Variants in BTAF1 observed in about 807,000 individuals in gnomAD.
The protein encoded by BTAF1 is TATA-binding protein-associated factor 172.
BTAF1 carries 38 observed loss-of-function variants against 227.1 expected under a neutral mutation model. The observed-to-expected ratio is 0.17, with a 90% CI of 0.13 to 0.22. The LOEUF (loss-of-function observed/expected upper bound fraction) is 0.22, where lower values mean the gene tolerates loss of function less well. BTAF1 is among the 10% of genes least tolerant of loss of function. BTAF1 has a pLI of 1.00. For synonymous variants in BTAF1, 742 were observed against 751.9 expected (o/e 0.99, Z 0.21); for missense variants, 1,598 against 2,204.0 (o/e 0.73, Z 5.51).
At chr10:91,961,194 G>A (rs1344475614) in intron 11 of BTAF1, among the ~76,000 whole-genome samples, 1 of 152,176 alleles carries the variant, frequency 6.6e-6, no homozygotes, top group Non-Finnish European at 1.5e-5. Flanking sequence ...GTAAAGGAGA[G>A]ATTATGAATG....
At chr10:91,982,804 C>A in intron 18 of BTAF1, 43 bp downstream of exon 18, 1 of 1,517,516 alleles carries the variant, frequency 6.6e-7, no homozygotes. Flanking sequence ...ATTAAGTAAA[C>A]CAATTTCCAT....
chr10:92,024,746 T>TTTTTTTTTTTTTTC lies in BTAF1; in HGVS notation c.4864-10_4864-9insTTTTTTTTTTTTTC. On this transcript the variant is annotated splice_polypyrimidine_tract_variant and intron_variant, in intron 34 of 37. Transcript: ENST00000265990. ...ACGCTTATGTAGTTTTTTTTTTTTT[T>TTTTTTTTTTTTTTC]CTTCCTAAGTTGCTGTTGGACTGCG... 1 of 1,576,494 alleles carries TTTTTTTTTTTTTTC rather than the reference T, an allele frequency of 6.3e-7. No individual in the cohort carries two copies. The highest frequency in any genetic ancestry group is 8.6e-7 in the Non-Finnish European group (1 of 1,168,382).
chr10:91,989,624 A>C, intron 20 of BTAF1, 44 bp downstream of exon 20: 1 of 1,507,586 alleles, frequency 6.6e-7, no homozygotes, highest in Non-Finnish European at 8.9e-7. Context: ...ATAACCTTTT[A>C]AATTTGTTTT....
At chr10:91,973,260 A>G (rs969524629) in intron 14 of BTAF1, among the ~76,000 whole-genome samples, 3 of 152,224 alleles carry the variant, frequency 2.0e-5, no homozygotes, top group Non-Finnish European at 2.9e-5. Context: ...CTTTGGCTCT[A>G]TCATTTGCTA....
At chr10:91,953,241 G>A (rs1172893808) in intron 5 of BTAF1, among the ~76,000 whole-genome samples, 1 of 152,132 alleles carries the variant, frequency 6.6e-6, no homozygotes, top group Non-Finnish European at 1.5e-5. Flanking sequence ...TCTGTGAATG[G>A]AAAAGAGCAA....
At chr10:91,925,567 A>G (rs1843770832) in intron 1 of BTAF1, among the ~76,000 whole-genome samples, 1 of 135,180 alleles carries the variant, frequency 7.4e-6, no homozygotes, top group Admixed American at 9.0e-5. Context: ...GCTGGAGTGC[A>G]GTGGCGAGAT....
chr10:92,026,743 A>G lies in BTAF1; in HGVS notation c.5227A>G (p.Ile1743Val), dbSNP rs1374330650. ...DLQAMDRAHR[I>V]GQKRVVNVYR... ...ACAAGCCATGGACCGGGCCCATCGC[A>G]TTGGGCAGGTAAAAGTCAATTTTAC... The change falls in exon 36 of 38, where the codon ATT becomes GTT. Residue 1743 changes from isoleucine to valine, a missense_variant. Ile to Val is a conservative substitution (Grantham distance 29). This residue lies in a region of BTAF1 where 20 missense variants were observed against 56.8 expected (regional missense o/e 0.35). Transcript: ENST00000265990. 5.6e-6 allele frequency: 9 copies of G among 1,612,734 alleles called. No individual in the cohort carries two copies. Among genetic ancestry groups the G allele is most frequent in the Non-Finnish European group, 7.6e-6 (9 of 1,179,460 alleles).
chr10:91,965,990 G>T (rs1305088179), intron 13 of BTAF1, among the ~76,000 whole-genome samples: 1 of 152,124 alleles, frequency 6.6e-6, no homozygotes, highest in Middle Eastern at 3.2e-3. Flanking sequence ...CTAGTTCCAG[G>T]TAACTTTTAC....
intron 4 of BTAF1, among the ~76,000 whole-genome samples, chr10:91,944,460 G>A (rs569180234): frequency 6.6e-6 from 1 of 152,190 alleles, no homozygotes; most frequent in African/African-American, 2.4e-5. Context: ...TAGGCTCTGT[G>A]TAAGTGTATT....
At chr10:91,967,044 C>T (rs1846966669) in intron 14 of BTAF1, among the ~76,000 whole-genome samples, 1 of 152,132 alleles carries the variant, frequency 6.6e-6, no homozygotes, top group African/African-American at 2.4e-5. Flanking sequence ...CTGTCAGAGA[C>T]CTGTTATATA....
chr10:91,946,320 T>G (rs995616794), intron 4 of BTAF1, among the ~76,000 whole-genome samples: 2 of 152,140 alleles, frequency 1.3e-5, no homozygotes, highest in Non-Finnish European at 2.9e-5. Flanking sequence ...GATCGCGCCA[T>G]TGCACTTCAG....
rs3980612 is a variant in BTAF1, at chr10:91,991,271, AATATAT to A, written c.2855-832_2855-827del. Among the ~76,000 whole-genome samples, 142 of 66,232 alleles carry A rather than the reference AATATAT, an allele frequency of 2.1e-3. 5 individuals carry two copies. Among genetic ancestry groups the A allele is most frequent in the African/African-American group, 5.0e-3 (141 of 27,926 alleles). The allele number at this position is 66,232 out of a possible 152,430, so 43.5% of individuals were successfully genotyped here. ...AAAAAAATATATAAATATAAATATA[AATATAT>A]ATATATATATATATAAATTATCCGG... On this transcript the variant is annotated intron_variant, in intron 20 of 37. Coordinates refer to ENST00000265990, the MANE Select transcript of BTAF1 (RefSeq NM_003972.3).
intron 35 of BTAF1, among the ~76,000 whole-genome samples, chr10:92,026,103 G>C (rs573084473): frequency 6.6e-6 from 1 of 152,238 alleles, no homozygotes; most frequent in Non-Finnish European, 1.5e-5. Flanking sequence ...ATCGTAGCTT[G>C]GTAGCTGCTA....
At chr10:91,972,171 G>A (rs1025013156) in intron 14 of BTAF1, among the ~76,000 whole-genome samples, 6 of 152,000 alleles carry the variant, frequency 3.9e-5, no homozygotes, top group African/African-American at 1.2e-4. Flanking sequence ...ATTTGTAATC[G>A]CCTACCACTA....
rs1323233688 is a variant in BTAF1, at chr10:91,923,893, G to A, written c.-184G>A. On this transcript the variant is annotated 5_prime_UTR_variant, in exon 1 of 38. Transcript: ENST00000265990. ...TGGACCCCTGCTTACCGGCCGCCGC[G>A]GGGACGAGCTCGGGTAGGCGGCAGG... 1.6e-6 allele frequency: 1 copy of A among 627,352 alleles called. No individual in the cohort carries two copies. The highest frequency in any genetic ancestry group is 4.3e-5 in the Admixed American group (1 of 23,084). The allele number at this position is 627,352 out of a possible 1,614,324, so 38.9% of individuals were successfully genotyped here.
intron 4 of BTAF1, among the ~76,000 whole-genome samples, chr10:91,943,538 CTTA>C (rs1479198682): frequency 2.0e-5 from 3 of 152,004 alleles, no homozygotes. Flanking sequence ...CATTTAGAGG[CTTA>C]TTAATATATT....
chr10:91,975,097 A>G (rs1263559424), intron 14 of BTAF1, among the ~76,000 whole-genome samples: 2 of 152,212 alleles, frequency 1.3e-5, no homozygotes, highest in Admixed American at 1.3e-4. Flanking sequence ...TGTTGTTGCC[A>G]GACAAACTCC....
intron 7 of BTAF1, 88 bp downstream of exon 7, chr10:91,956,745 T>A: frequency 7.0e-7 from 1 of 1,425,238 alleles, no homozygotes; most frequent in Non-Finnish European, 9.5e-7. Flanking sequence ...ATCCCAGCAC[T>A]TTGGGAGGTC....
At chr10:92,022,202 A>G (rs1054951722) in intron 34 of BTAF1, among the ~76,000 whole-genome samples, 1 of 152,232 alleles carries the variant, frequency 6.6e-6, no homozygotes, top group South Asian at 2.1e-4. Context: ...TCAGTAGGAT[A>G]GCTGCACCAG....
Sources: gnomAD v4.1 joint callset for allele counts (sites outside exome capture counted in the v4.1 genomes callset) on GRCh38, gnomAD v4.1.1 for gene constraint, gnomAD v4.1.1 regional missense constraint, MANE v1.5 for transcripts, NCBI Gene and HGNC (gene_info 2026-07-23, HGNC 2026-07-21) for gene names.